The following CLNK variants were observed in gnomAD, a reference collection of about 807,000 sequenced individuals.
CLNK encodes the protein cytokine-dependent hematopoietic cell linker.
In CLNK, 74 loss-of-function variants were observed where a neutral mutation model predicts 68.6. The ratio of observed to expected loss-of-function variants is 1.08; its 90% confidence interval spans 0.89 to 1.31. The LOEUF (loss-of-function observed/expected upper bound fraction) is 1.31, where lower values mean the gene tolerates loss of function less well. Among genes scored for constraint, CLNK ranks in the 50% most tolerant of loss-of-function variants. CLNK has a pLI of 0.00. For synonymous variants in CLNK, 198 were observed against 172.2 expected, an observed-to-expected ratio of 1.15 and a Z score of -1.17; for missense variants, 553 against 515.3, an observed-to-expected ratio of 1.07 and a Z score of -0.71.
chr4:10,547,030 A>G (rs1477523018), intron 8 of CLNK, among the ~76,000 whole-genome samples: 1 of 152,110 alleles, frequency 6.6e-6, no homozygotes, highest in Non-Finnish European at 1.5e-5. Context: ...CCATTAACCC[A>G]TTAATCCATT....
chr4:10,722,018 A>C, the CLNK span, among the ~76,000 whole-genome samples: 4 of 152,104 alleles, frequency 2.6e-5, no homozygotes, highest in Admixed American at 2.6e-4. Context: ...CTCTACAAAA[A>C]ATACAATTAG....
the CLNK span, among the ~76,000 whole-genome samples, chr4:10,713,964 A>G: frequency 2.0e-5 from 3 of 152,204 alleles, no homozygotes; most frequent in Admixed American, 2.0e-4. Context: ...TGAAGCTGCC[A>G]AATCTGGGCA....
At chr4:10,501,463 C>T (rs1404318772) in intron 17 of CLNK, 52 bp from the exon 18 acceptor site, 64 of 1,553,458 alleles carry the variant, frequency 4.1e-5, no homozygotes, top group Non-Finnish European at 5.3e-5. Flanking sequence ...GCATTCTGCC[C>T]TTGTAATGGT....
At position 10,548,669 on chromosome 4, in the gene CLNK, T is replaced by C. The variant is rs145011360; in HGVS notation, c.446-6389A>G. ...CCAAGTTGATTTAATCCACCCCAAATTGATTTCCTTGCATGGTGTGAGGAA... is the reference window on the plus strand; with the variant it reads ...CCAAGTTGATTTAATCCACCCCAAACTGATTTCCTTGCATGGTGTGAGGAA... On this transcript the variant is annotated intron_variant, in intron 8 of 18. Transcript: ENST00000226951. Among the ~76,000 whole-genome samples, 27 of 152,312 alleles carry C rather than the reference T, an allele frequency of 1.8e-4. No homozygotes were observed. In the East Asian group the frequency reaches 5.0e-3, roughly 28 times the overall value.
rs371401065 is a variant in CLNK at position 10,540,939 on chromosome 4, G to C, written c.492-335C>G. ...AAATAAATATAAAAAAAGTGGCCAG[G>C]CATGGTGGCTCACGCCTGTAATCCC... is the stretch of plus-strand genomic sequence containing the variant. On this transcript the variant is annotated intron_variant, in intron 10 of 18. Coordinates refer to ENST00000226951, the MANE Select transcript of CLNK (RefSeq NM_052964.4). 7.9e-5 allele frequency among the ~76,000 whole-genome samples: 12 copies of C among 152,178 alleles called. No individual in the cohort carries two copies. In the East Asian group the frequency reaches 2.3e-3, roughly 29 times the overall value.
chr4:10,538,935 C>A (rs1195373631), intron 11 of CLNK, among the ~76,000 whole-genome samples: 1 of 152,120 alleles, frequency 6.6e-6, no homozygotes, highest in Non-Finnish European at 1.5e-5. Context: ...TAAGAAAGTG[C>A]AATAATTGTT....
rs369517625 is a variant in CLNK, at chr4:10,610,126, C to G, written c.12-12077G>C. On this transcript the variant is annotated intron_variant, in intron 2 of 18. Coordinates refer to ENST00000226951, the MANE Select transcript of CLNK (RefSeq NM_052964.4). ...GGCGGGAGTGCTGTGGCGCGATCTC[C>G]GCTCACTGCAAGCTCCGCCTTCCGG... Among the ~76,000 whole-genome samples, 1,228 of 139,248 alleles carry G rather than the reference C, an allele frequency of 8.8e-3. 38 individuals carry two copies. In the East Asian group the frequency reaches 0.13, roughly 15 times the overall value. 91.4% of individuals were successfully genotyped at this position (139,248 alleles called of 152,430 possible).
chr4:10,631,413 T>C lies in CLNK; in HGVS notation c.12-33364A>G, dbSNP rs1722885386. On this transcript the variant is annotated intron_variant, in intron 2 of 18. Coordinates refer to ENST00000226951, the MANE Select transcript of CLNK (RefSeq NM_052964.4). ...GAGGAAATATTGCCTTTGCCCCAGA[T>C]GCTCAGACCAAGAAAGAAAGAAATG... Among the ~76,000 whole-genome samples, 5 of 152,298 alleles carry C rather than the reference T, an allele frequency of 3.3e-5. No individual in the cohort carries two copies. The South Asian group carries it at 1.0e-3, about 32-fold the overall frequency.
chr4:10,719,462 A>C, the CLNK span, among the ~76,000 whole-genome samples: 3 of 152,076 alleles, frequency 2.0e-5, no homozygotes, highest in Non-Finnish European at 4.4e-5. Flanking sequence ...ATTACCAGAG[A>C]TAGAGAGGAA....
intron 1 of CLNK, among the ~76,000 whole-genome samples, chr4:10,677,508 C>T (rs1259787761): frequency 1.3e-5 from 2 of 152,088 alleles, no homozygotes; most frequent in South Asian, 2.1e-4. Flanking sequence ...ACCTAAATCT[C>T]ATCTCGATTT....
chr4:10,583,597 T>C (rs1283103452), intron 4 of CLNK, among the ~76,000 whole-genome samples: 1 of 152,208 alleles, frequency 6.6e-6, no homozygotes, highest in Non-Finnish European at 1.5e-5. Flanking sequence ...GGCTGTTATT[T>C]TGAACAGACT....
intron 8 of CLNK, among the ~76,000 whole-genome samples, chr4:10,555,192 A>C (rs894109101): frequency 5.9e-5 from 9 of 152,060 alleles, no homozygotes; most frequent in Admixed American, 3.3e-4. Flanking sequence ...CATGTTCACT[A>C]GCCTAGGCAT....
At chr4:10,723,623 T>G in the CLNK span, among the ~76,000 whole-genome samples, 1 of 152,158 alleles carries the variant, frequency 6.6e-6, no homozygotes, top group Non-Finnish European at 1.5e-5. Flanking sequence ...TGCGTTTCTA[T>G]CCACTTCTTT....
chr4:10,659,499 T>C (rs895329092), intron 2 of CLNK, among the ~76,000 whole-genome samples: 1 of 152,272 alleles, frequency 6.6e-6, no homozygotes, highest in African/African-American at 2.4e-5. Flanking sequence ...TGCAGAGCTA[T>C]ACTTCTATTG....
chr4:10,585,096 T>A, intron 3 of CLNK, 141 bp from the exon 4 acceptor site: 1 of 661,518 alleles, frequency 1.5e-6, no homozygotes, highest in Non-Finnish European at 2.7e-6. Flanking sequence ...ATTGTAGACC[T>A]GAAGTCACAT....
rs10660433 is a variant in CLNK, at chr4:10,504,116, C to CTTTT, written c.985-2709_985-2706dup. ...GTCTTTACATAAACATCTTTGGGTTCTTTTTTTTTTTTTTTTTTTTTTGAG... is the reference window on the plus strand; with the variant it reads ...GTCTTTACATAAACATCTTTGGGTTCTTTTTTTTTTTTTTTTTTTTTTTTTTGAG... On this transcript the variant is annotated intron_variant, in intron 17 of 18. Coordinates refer to ENST00000226951, the MANE Select transcript of CLNK (RefSeq NM_052964.4). 4.3e-3 allele frequency among the ~76,000 whole-genome samples: 287 copies of CTTTT among 67,298 alleles called. 10 individuals carry two copies. Among genetic ancestry groups the CTTTT allele is most frequent in the Non-Finnish European group, 5.4e-3 (199 of 36,982 alleles). 44.2% of individuals were successfully genotyped at this position (67,298 alleles called of 152,430 possible).
At chr4:10,596,589 G>C (rs975203718) in intron 3 of CLNK, among the ~76,000 whole-genome samples, 3 of 152,120 alleles carry the variant, frequency 2.0e-5, no homozygotes, top group Non-Finnish European at 4.4e-5. Flanking sequence ...GACATTTTTA[G>C]TTGATTTATA....
chr4:10,675,070 T>C (rs938426846), intron 1 of CLNK, among the ~76,000 whole-genome samples: 4 of 152,178 alleles, frequency 2.6e-5, no homozygotes, highest in Non-Finnish European at 5.9e-5. Flanking sequence ...GTTGGATGGA[T>C]GCAGCAAACC....
chr4:10,585,400 A>T (rs945175210), intron 3 of CLNK, among the ~76,000 whole-genome samples: 1 of 152,266 alleles, frequency 6.6e-6, no homozygotes, highest in East Asian at 1.9e-4. Flanking sequence ...AGTTTTGGCC[A>T]ATCAAATGTA....
Sources: gnomAD v4.1 joint callset for allele counts (sites outside exome capture counted in the v4.1 genomes callset) on GRCh38, gnomAD v4.1.1 for gene constraint, MANE v1.5 for transcripts, NCBI Gene and HGNC (gene_info 2026-07-23, HGNC 2026-07-21) for gene names.